Variants in RPL31 observed in about 807,000 individuals in gnomAD.
The protein encoded by RPL31 is ribosomal protein L31, also known as large ribosomal subunit protein eL31.
For synonymous variants in RPL31, 51 were observed against 55.0 expected, an observed-to-expected ratio of 0.93 and a Z score of 0.32; for missense variants, 95 against 164.0, an observed-to-expected ratio of 0.58 and a Z score of 2.30.
downstream of RPL31, chr2:101,007,571 A>G (rs1678821181): frequency 2.0e-6 from 1 of 494,174 alleles, no homozygotes; most frequent in Non-Finnish European, 3.6e-6. Flanking sequence ...TGCCCATTTC[A>G]GCAAATCCGG....
intron 2 of RPL31, among the ~76,000 whole-genome samples, chr2:101,003,448 C>G (rs375000266): frequency 6.6e-6 from 1 of 152,066 alleles, no homozygotes; most frequent in African/African-American, 2.4e-5. Context: ...ACCTGGCCCA[C>G]CTTGGCCGTC....
chr2:101,011,088 A>G, downstream of RPL31: 3 of 1,525,862 alleles, frequency 2.0e-6, no homozygotes, highest in Non-Finnish European at 2.7e-6. Flanking sequence ...AGCAAAAAGG[A>G]AACTATGTAG....
chr2:101,008,324 ATTT>A (rs200543793), downstream of RPL31: 4 of 1,188,156 alleles, frequency 3.4e-6, no homozygotes, highest in Non-Finnish European at 4.4e-6. Flanking sequence ...TGGAAGTGTC[ATTT>A]TTTTTTTTAA....
At chr2:101,006,281 A>G in intron 4 of RPL31, 69 bp from the exon 5 acceptor site, 1 of 1,581,000 alleles carries the variant, frequency 6.3e-7, no homozygotes, top group African/African-American at 1.4e-5. Flanking sequence ...ACCCGTCTAC[A>G]AAAGGTTTTT....
At chr2:101,010,733 A>G (rs551021618), downstream of RPL31, among the ~76,000 whole-genome samples, 1 of 152,048 alleles carries the variant, frequency 6.6e-6, no homozygotes, top group African/African-American at 2.4e-5. Flanking sequence ...AAATACAAAA[A>G]TAGCCAGACG....
downstream of RPL31, chr2:101,011,200 C>G: frequency 1.4e-6 from 1 of 712,874 alleles, no homozygotes. Context: ...AACTGGGGGA[C>G]TTCTGCTCTA....
intron 4 of RPL31, chr2:101,017,847 A>T: frequency 1.3e-6 from 2 of 1,550,786 alleles, no homozygotes; most frequent in Non-Finnish European, 1.7e-6. Context: ...GCTACATGCA[A>T]TTCCCAATTA....
chr2:101,012,894 G>A (rs1173741094), intron 4 of RPL31, among the ~76,000 whole-genome samples: 3 of 152,182 alleles, frequency 2.0e-5, no homozygotes, highest in Non-Finnish European at 2.9e-5. Context: ...TGCCCAAAAC[G>A]AATTTTGTGC....
downstream of RPL31, chr2:101,011,397 T>TC (rs1395221845): frequency 1.5e-5 from 24 of 1,577,004 alleles, no homozygotes; most frequent in African/African-American, 2.7e-4. Flanking sequence ...CCCCGGTGCC[T>TC]CCCGCCACTG....
chr2:101,014,392 G>T (rs973941168), intron 4 of RPL31, among the ~76,000 whole-genome samples: 2 of 152,140 alleles, frequency 1.3e-5, no homozygotes, highest in Non-Finnish European at 2.9e-5. Flanking sequence ...TGTTAAACTG[G>T]AGCTGATATC....
intron 4 of RPL31, among the ~76,000 whole-genome samples, chr2:101,012,877 C>T (rs924611832): frequency 6.6e-6 from 1 of 152,278 alleles, no homozygotes; most frequent in Non-Finnish European, 1.5e-5. Context: ...CTTACTTTTT[C>T]CAACTTTGCC....
At chr2:101,007,544 T>A (rs1678818442), downstream of RPL31, 2 of 416,492 alleles carry the variant, frequency 4.8e-6, no homozygotes, top group South Asian at 3.5e-5. Context: ...AAATCAACAC[T>A]AGCATCACAG....
chr2:101,010,054 C>G (rs1421264610), downstream of RPL31, among the ~76,000 whole-genome samples: 1 of 151,892 alleles, frequency 6.6e-6, no homozygotes, highest in Non-Finnish European at 1.5e-5. Flanking sequence ...TCTCAATCTT[C>G]TGACCTCGTA....
At chr2:101,006,297 T>C (rs1208438388) in intron 4 of RPL31, 53 bp from the exon 5 acceptor site, 2 of 1,588,270 alleles carry the variant, frequency 1.3e-6, no homozygotes, top group Non-Finnish European at 1.7e-6. Context: ...TTTTTAGAGT[T>C]GAAATATGAA....
At chr2:101,011,779 TAAC>T (rs1679235281), downstream of RPL31, among the ~76,000 whole-genome samples, 1 of 152,202 alleles carries the variant, frequency 6.6e-6, no homozygotes, top group African/African-American at 2.4e-5. Flanking sequence ...CTGTTGTAAT[TAAC>T]AACATACACA....
intron 3 of RPL31, 94 bp downstream of exon 3, chr2:101,004,377 T>A: frequency 7.2e-7 from 1 of 1,386,654 alleles, no homozygotes; most frequent in Non-Finnish European, 9.9e-7. Flanking sequence ...GTAATTTGGT[T>A]AATGCATGTG....
At chr2:101,003,236 C>T (rs1304073118) in intron 2 of RPL31, among the ~76,000 whole-genome samples, 1 of 152,088 alleles carries the variant, frequency 6.6e-6, no homozygotes, top group African/African-American at 2.4e-5. Flanking sequence ...CTTTTTTTCC[C>T]TATGCCTGAA....
intron 4 of RPL31, chr2:101,017,772 C>G: frequency 6.8e-7 from 1 of 1,462,544 alleles, no homozygotes; most frequent in Non-Finnish European, 9.3e-7. Flanking sequence ...TAAGATGTTA[C>G]CAAAATCTTG....
intron 2 of RPL31, 123 bp downstream of exon 2, chr2:101,002,931 C>A: frequency 1.4e-6 from 1 of 707,058 alleles, no homozygotes; most frequent in Non-Finnish European, 2.5e-6. Flanking sequence ...CATTCATTGG[C>A]AATTTAACAA....
Sources: allele counts gnomAD v4.1 joint callset (sites outside exome capture counted in the v4.1 genomes callset), GRCh38; gene constraint gnomAD v4.1.1; transcripts MANE v1.5; gene names NCBI Gene and HGNC (gene_info 2026-07-23, HGNC 2026-07-21).